ZMYM4: variants seen among roughly 807,000 people sequenced by gnomAD.
ZMYM4 encodes the protein zinc finger MYM-type protein 4.
Under a neutral mutation model 183.2 loss-of-function variants are expected in ZMYM4, and 31 were observed. That is an observed-to-expected ratio of 0.17 (90% confidence interval 0.13 to 0.23). The LOEUF (loss-of-function observed/expected upper bound fraction) is 0.23, where lower values mean the gene tolerates loss of function less well. ZMYM4 is among the 10% of genes least tolerant of loss of function. ZMYM4 has a pLI of 1.00. For synonymous variants in ZMYM4, 592 were observed against 631.2 expected, an observed-to-expected ratio of 0.94 and a Z score of 0.93; for missense variants, 1,273 against 1,840.3, an observed-to-expected ratio of 0.69 and a Z score of 5.64.
At position 35,375,833 on chromosome 1, in the gene ZMYM4, T is replaced by C. The variant is rs563456255; in HGVS notation, c.1181+5206T>C. On this transcript the variant is annotated intron_variant, in intron 7 of 29. Coordinates refer to ENST00000314607, the MANE Select transcript of ZMYM4 (RefSeq NM_005095.3). ...GCTCATGCCTGTAATCCCAGCACTTTAGGAAGCCAACATTGGAGGATTGCA... is the reference window on the plus strand; with the variant it reads ...GCTCATGCCTGTAATCCCAGCACTTCAGGAAGCCAACATTGGAGGATTGCA... 2.0e-5 allele frequency among the ~76,000 whole-genome samples: 3 copies of C among 152,326 alleles called. No individual in the cohort carries two copies. The South Asian group carries it at 6.2e-4, about 32-fold the overall frequency.
At chr1:35,320,341 C>T (rs372852147) in intron 1 of ZMYM4, among the ~76,000 whole-genome samples, 6 of 152,298 alleles carry the variant, frequency 3.9e-5, no homozygotes, top group Admixed American at 2.0e-4. Flanking sequence ...AGAAAACTTC[C>T]GGATTGCTGA....
chr1:35,304,022 T>A (rs897576747), intron 1 of ZMYM4, among the ~76,000 whole-genome samples: 3 of 152,102 alleles, frequency 2.0e-5, no homozygotes, highest in African/African-American at 7.2e-5. Context: ...TACATTACCA[T>A]ACAGTTTCTT....
At chr1:35,407,428 CAAA>C (rs548295593) in intron 25 of ZMYM4, among the ~76,000 whole-genome samples, 3 of 77,518 alleles carry the variant, frequency 3.9e-5, no homozygotes, top group Admixed American at 1.5e-4. Context: ...AATTCCATCT[CAAA>C]AAAAAAAAAA....
intron 7 of ZMYM4, among the ~76,000 whole-genome samples, chr1:35,374,281 G>A (rs1644285983): frequency 2.0e-5 from 3 of 151,504 alleles, no homozygotes; most frequent in Non-Finnish European, 4.4e-5. Flanking sequence ...TGACCCACCC[G>A]CCTTGGCCTC....
intron 1 of ZMYM4, among the ~76,000 whole-genome samples, chr1:35,307,756 G>C (rs558453478): frequency 7.3e-5 from 11 of 151,640 alleles, no homozygotes; most frequent in African/African-American, 2.7e-4. Context: ...GGATGGTCTC[G>C]ATCTCCTGAC....
In ZMYM4 at chr1:35,413,998, T is replaced by C. The variant is rs143486830; in HGVS notation, c.3975T>C (p.Asp1325=). Residue 1325 remains aspartate, a synonymous_variant, in exon 27 of 30, where the codon GAT becomes GAC. Transcript: ENST00000314607. ...ACCTGTTTGAAAATGGTAGAATAGA[T>C]AACATTTTTACTGAGCCCTATTCCA... ...QQYLFENGRI[D]NIFTEPYSRF... The C allele has an allele frequency of 1.0e-5, 16 of 1,576,872 alleles. No individual in the cohort carries two copies. In the African/African-American group the frequency reaches 1.1e-4, roughly 11 times the overall value.
intron 1 of ZMYM4, among the ~76,000 whole-genome samples, chr1:35,300,337 T>C (rs1557947930): frequency 6.6e-6 from 1 of 152,202 alleles, no homozygotes; most frequent in South Asian, 2.1e-4. Context: ...AATACCATTT[T>C]CCCCCAGCTG....
rs140431022 is a variant in ZMYM4 at position 35,275,310 on chromosome 1, C to T, written c.39+6225C>T. Among the ~76,000 whole-genome samples the T allele has an allele frequency of 5.8e-4, 88 of 152,012 alleles. 2 individuals carry two copies. The East Asian group carries it at 0.017, about 29-fold the overall frequency. ...AGGCTGGAGTACAGTGGTGCCATCT[C>T]AGCTCACTACAACCTCCACCTCCTG... On this transcript the variant is annotated intron_variant, in intron 1 of 29. Transcript: ENST00000314607.
At chr1:35,385,932 A>G (rs1007215518) in intron 10 of ZMYM4, 142 bp from the exon 11 acceptor site, 4 of 570,016 alleles carry the variant, frequency 7.0e-6, no homozygotes, top group South Asian at 3.3e-5. Context: ...GTTTTTGTCT[A>G]TATGTGACAT....
rs1252384353 is a variant in ZMYM4 at position 35,389,452 on chromosome 1, A to T, written c.2436+370A>T. ...AGTCTGTATGTTACATGTGTTTTTT[A>T]AAAAAAATTAGTATAAAATCAGCTG... On this transcript the variant is annotated intron_variant, in intron 14 of 29. Coordinates refer to ENST00000314607, the MANE Select transcript of ZMYM4 (RefSeq NM_005095.3). The surrounding 1 kb of genome is among the most constrained non-coding windows in gnomAD (Gnocchi z 4.0). Among the ~76,000 whole-genome samples, 6 of 151,854 alleles carry T rather than the reference A, an allele frequency of 4.0e-5. No individual in the cohort carries two copies. The highest frequency in any genetic ancestry group is 1.5e-4 in the African/African-American group (6 of 41,348).
chr1:35,355,929 TA>T (rs1210129211), intron 2 of ZMYM4, among the ~76,000 whole-genome samples: 1 of 152,176 alleles, frequency 6.6e-6, no homozygotes, highest in African/African-American at 2.4e-5. Context: ...ATCCTGAATT[TA>T]AATGTAATGA....
intron 1 of ZMYM4, among the ~76,000 whole-genome samples, chr1:35,312,377 C>A (rs1270822659): frequency 6.6e-6 from 1 of 152,038 alleles, no homozygotes; most frequent in African/African-American, 2.4e-5. Flanking sequence ...CCTTTTTATA[C>A]CTTTATTTTG....
At chr1:35,374,636 C>T (rs578182468) in intron 7 of ZMYM4, among the ~76,000 whole-genome samples, 4 of 150,388 alleles carry the variant, frequency 2.7e-5, no homozygotes, top group African/African-American at 7.3e-5. Flanking sequence ...CCTGGTCCCC[C>T]CCAGCTCCTA....
At chr1:35,350,701 CA>C in intron 2 of ZMYM4, 1 of 365,356 alleles carries the variant, frequency 2.7e-6, no homozygotes. Flanking sequence ...CAGCTGCAGA[CA>C]AAGATCTCTC....
At chr1:35,269,478 G>C (rs1639487915) in intron 1 of ZMYM4, among the ~76,000 whole-genome samples, 1 of 152,108 alleles carries the variant, frequency 6.6e-6, no homozygotes. Context: ...ATAAGTCGTG[G>C]AGGGGTCTCA....
chr1:35,389,764 A>AT lies in ZMYM4; in HGVS notation c.2437-184_2437-183insT, dbSNP rs1325983543. On this transcript the variant is annotated intron_variant, in intron 14 of 29. Coordinates refer to ENST00000314607, the MANE Select transcript of ZMYM4 (RefSeq NM_005095.3). This position sits in a 1 kb window ranked among gnomAD's most constrained non-coding sequence, Gnocchi z 4.0. Reference sequence around the variant, plus strand: ...AGCAAGGCTCTGTCTCAAAAAAAAAAAAAAATATATATATATATGTGTGTG... The same window carrying AT: ...AGCAAGGCTCTGTCTCAAAAAAAAAATAAAAATATATATATATATGTGTGTG... 3.2e-4 allele frequency among the ~76,000 whole-genome samples: 41 copies of AT among 130,074 alleles called. No homozygotes were observed. The highest frequency in any genetic ancestry group is 1.2e-3 in the African/African-American group (33 of 27,046). 85.3% of individuals were successfully genotyped at this position (130,074 alleles called of 152,430 possible).
chr1:35,340,611 A>G (rs1357650425), intron 2 of ZMYM4, among the ~76,000 whole-genome samples: 1 of 151,980 alleles, frequency 6.6e-6, no homozygotes, highest in Admixed American at 6.6e-5. Flanking sequence ...TCACATGCAT[A>G]GTTCACAATA....
rs765276308 is a variant in ZMYM4 at position 35,361,711 on chromosome 1, G to A, written c.762G>A (p.Leu254=). The change falls in exon 5 of 30, where the codon TTG becomes TTA. Residue 254 remains leucine (L), a synonymous_variant. Coordinates refer to ENST00000314607, the MANE Select transcript of ZMYM4 (RefSeq NM_005095.3). ...ATATTAGAATTAAAGAAGAACCTTT[G>A]GATGATGAGTATGACAAAGCAATGG... The part of the protein sequence containing the change: ...ASNIRIKEEP[L]DDEYDKAMAP... 1 of 1,613,812 alleles carries A rather than the reference G, an allele frequency of 6.2e-7. No individual in the cohort carries two copies. The highest frequency in any genetic ancestry group is 1.7e-5 in the Admixed American group (1 of 60,012).
At chr1:35,410,341 T>G (rs1639831379) in intron 26 of ZMYM4, among the ~76,000 whole-genome samples, 1 of 152,210 alleles carries the variant, frequency 6.6e-6, no homozygotes, top group East Asian at 1.9e-4. Flanking sequence ...TTGTAGAAAC[T>G]ATATATATTC....
Sources: gnomAD v4.1 joint callset for allele counts (sites outside exome capture counted in the v4.1 genomes callset) on GRCh38, gnomAD v4.1.1 for gene constraint, Gnocchi (gnomAD v3.1) non-coding constraint, MANE v1.5 for transcripts, NCBI Gene and HGNC (gene_info 2026-07-23, HGNC 2026-07-21) for gene names.